TPRG1: variants seen among roughly 807,000 people sequenced by gnomAD.
TPRG1 encodes tumor protein p63 regulated 1.
In TPRG1, 29 loss-of-function variants were observed where a neutral mutation model predicts 29.3. That is an observed-to-expected ratio of 0.99 (90% CI 0.74 to 1.35). The LOEUF (loss-of-function observed/expected upper bound fraction) is 1.35, where lower values mean the gene tolerates loss of function less well. Among genes scored for constraint, TPRG1 ranks in the 40% most tolerant of loss-of-function variants. TPRG1 has a pLI of 0.00. For missense variants in TPRG1, 327 were observed against 335.0 expected (o/e 0.98, Z 0.19); for synonymous variants, 130 against 116.8 (o/e 1.11, Z -0.73).
upstream of TPRG1, among the ~76,000 whole-genome samples, chr3:189,096,863 T>A (rs1718712929): frequency 6.6e-6 from 1 of 152,178 alleles, no homozygotes. Flanking sequence ...GTGAAATATT[T>A]TAATAGTATT....
intron 2 of TPRG1, among the ~76,000 whole-genome samples, chr3:189,001,561 A>G (rs1369244871): frequency 1.3e-5 from 2 of 152,174 alleles, no homozygotes; most frequent in Non-Finnish European, 2.9e-5. Context: ...TGAGGGCTCC[A>G]TCTTCATGAT....
chr3:189,279,001 G>C lies in TPRG1; in HGVS notation c.480-31385G>C, dbSNP rs568560207. Among the ~76,000 whole-genome samples, 4 of 152,342 alleles carry C rather than the reference G, an allele frequency of 2.6e-5. No homozygotes were observed. The South Asian group carries it at 8.3e-4, about 32-fold the overall frequency. The stretch of plus-strand genomic sequence containing the variant: ...TTAAAATGTATTTGACATCAGAGTT[G>C]TTCTAGTGGTGGAGGTAGGCAAACT... On this transcript the variant is annotated intron_variant, in intron 4 of 5. Coordinates refer to ENST00000345063, the MANE Select transcript of TPRG1 (RefSeq NM_198485.4).
chr3:189,303,696 A>G (rs1280878842), intron 4 of TPRG1, among the ~76,000 whole-genome samples: 1 of 152,212 alleles, frequency 6.6e-6, no homozygotes, highest in African/African-American at 2.4e-5. Flanking sequence ...GTTTCTATGT[A>G]CCTGGCACTG....
chr3:189,078,057 T>TTCCTTCCTTCCTTTCTC (rs1560430597), intron 4 of TPRG1, among the ~76,000 whole-genome samples: 3 of 143,574 alleles, frequency 2.1e-5, no homozygotes, highest in African/African-American at 8.5e-5. Flanking sequence ...CCTTCCTTCC[T>TTCCTTCCTTCCTTTCTC]TCCTTTCTCT....
At chr3:189,178,107 G>C (rs1033623924) in intron 1 of TPRG1, among the ~76,000 whole-genome samples, 1 of 152,228 alleles carries the variant, frequency 6.6e-6, no homozygotes, top group Non-Finnish European at 1.5e-5. Flanking sequence ...GGGAAGAAAG[G>C]AATTGGAGAT....
intron 1 of TPRG1, among the ~76,000 whole-genome samples, chr3:189,204,518 C>G (rs1734006566): frequency 6.6e-6 from 1 of 152,184 alleles, no homozygotes; most frequent in Non-Finnish European, 1.5e-5. Flanking sequence ...AACTTTCCCA[C>G]TATTTATGGC....
At chr3:189,194,128 G>A (rs979924366) in intron 1 of TPRG1, among the ~76,000 whole-genome samples, 9 of 151,794 alleles carry the variant, frequency 5.9e-5, no homozygotes, top group African/African-American at 1.7e-4. Flanking sequence ...TGTAGTGACC[G>A]TTTTTCTGCA....
intron 4 of TPRG1, among the ~76,000 whole-genome samples, chr3:189,307,792 C>A (rs2109301260): frequency 6.6e-6 from 1 of 152,304 alleles, no homozygotes; most frequent in South Asian, 2.1e-4. Flanking sequence ...AAGAGCCCTT[C>A]TAGCTCTGAC....
At chr3:189,232,798 G>C (rs1738870184) in intron 3 of TPRG1, among the ~76,000 whole-genome samples, 2 of 152,152 alleles carry the variant, frequency 1.3e-5, no homozygotes, top group South Asian at 4.1e-4. Context: ...CAGGGGAAGA[G>C]GAACCAAATG....
rs140324243 is a variant in TPRG1 at position 189,250,921 on chromosome 3, C to A, written c.479+12012C>A. On this transcript the variant is annotated intron_variant, in intron 4 of 5. Transcript: ENST00000345063. ...TTACAGGTGAGAAATGCGAGACTTA[C>A]AGGTGTTCAGGGATTCATGCATCAT... Among the ~76,000 whole-genome samples, 578 of 152,126 alleles carry A rather than the reference C, an allele frequency of 3.8e-3. 3 individuals carry two copies. Among genetic ancestry groups the A allele is most frequent in the African/African-American group, 0.013 (549 of 41,494 alleles).
At chr3:189,260,577 T>G (rs1004495963) in intron 4 of TPRG1, among the ~76,000 whole-genome samples, 1 of 152,246 alleles carries the variant, frequency 6.6e-6, no homozygotes, top group Non-Finnish European at 1.5e-5. Flanking sequence ...CACATTGATA[T>G]GCCAACAAAA....
chr3:189,151,644 G>A (rs1725951280), intron 5 of TPRG1, among the ~76,000 whole-genome samples: 1 of 152,134 alleles, frequency 6.6e-6, no homozygotes, highest in Non-Finnish European at 1.5e-5. Flanking sequence ...ACTTTGCGAG[G>A]CTGAGGCAGG....
chr3:189,105,034 A>T (rs1162151597), intron 1 of TPRG1, among the ~76,000 whole-genome samples: 1 of 152,186 alleles, frequency 6.6e-6, no homozygotes, highest in African/African-American at 2.4e-5. Context: ...ATACTGAGAA[A>T]TGCTAAAGAT....
At chr3:189,077,800 A>G (rs1216774190) in intron 4 of TPRG1, among the ~76,000 whole-genome samples, 1 of 152,136 alleles carries the variant, frequency 6.6e-6, no homozygotes, top group Non-Finnish European at 1.5e-5. Flanking sequence ...TTCTTACCAG[A>G]TATTTTCTTT....
At chr3:189,230,427 T>C (rs1439914618) in intron 3 of TPRG1, among the ~76,000 whole-genome samples, 2 of 151,494 alleles carry the variant, frequency 1.3e-5, no homozygotes, top group African/African-American at 4.9e-5. Context: ...AAAATAGTCA[T>C]AAATTGCAAA....
chr3:189,075,664 G>A (rs1717124723), intron 4 of TPRG1, among the ~76,000 whole-genome samples: 1 of 152,162 alleles, frequency 6.6e-6, no homozygotes, highest in Non-Finnish European at 1.5e-5. Context: ...GATTTGTGGT[G>A]ATTTTAGAGA....
intron 5 of TPRG1, among the ~76,000 whole-genome samples, chr3:189,317,165 T>C (rs1216748098): frequency 2.0e-5 from 3 of 152,186 alleles, no homozygotes; most frequent in African/African-American, 7.2e-5. Context: ...GTAATCCAAC[T>C]GGACAAGATT....
At chr3:189,058,974 T>C (rs2152143424) in intron 4 of TPRG1, among the ~76,000 whole-genome samples, 1 of 152,298 alleles carries the variant, frequency 6.6e-6, no homozygotes, top group African/African-American at 2.4e-5. Context: ...TCTGTAAGCA[T>C]ATCTAGTTCT....
At chr3:189,131,257 T>A (rs888330666) in intron 2 of TPRG1, among the ~76,000 whole-genome samples, 9 of 152,266 alleles carry the variant, frequency 5.9e-5, no homozygotes, top group African/African-American at 2.2e-4. Context: ...GTTACTTCTA[T>A]ACATTACAAA....
Sources: gnomAD v4.1 joint callset for allele counts (sites outside exome capture counted in the v4.1 genomes callset) on GRCh38, gnomAD v4.1.1 for gene constraint, MANE v1.5 for transcripts, NCBI Gene and HGNC (gene_info 2026-07-23, HGNC 2026-07-21) for gene names.